The following VAMP7 variants were observed in gnomAD, a reference collection of about 807,000 sequenced individuals.
The protein encoded by VAMP7 is vesicle-associated membrane protein 7.
A neutral mutation model predicts 29.6 loss-of-function variants in VAMP7; 14 were observed. The observed-to-expected ratio is 0.47, with a 90% CI of 0.31 to 0.74. The LOEUF (loss-of-function observed/expected upper bound fraction) is 0.74. VAMP7 is among the 30% of genes least tolerant of loss of function. The probability of loss-of-function intolerance (pLI) is 0.05; values close to 1 mark genes in which losing one functional copy is unlikely to be tolerated. For missense variants in VAMP7, 223 were observed against 262.4 expected (o/e 0.85, Z 1.04); for synonymous variants, 95 against 88.1 (o/e 1.08, Z -0.44).
At chrX:155,902,296 C>G (rs2066074649) in intron 5 of VAMP7, among the ~76,000 whole-genome samples, 1 of 151,980 alleles carries the variant, frequency 6.6e-6, no homozygotes, top group African/African-American at 2.4e-5. Flanking sequence ...TCTAGATATA[C>G]AATCATGTCA....
intron 6 of VAMP7, among the ~76,000 whole-genome samples, chrX:155,931,497 C>A (rs2124384423): frequency 6.6e-6 from 1 of 152,340 alleles, no homozygotes; most frequent in South Asian, 2.1e-4. Flanking sequence ...CTGTTGGCTG[C>A]ATAAATGCCA....
At chrX:155,894,592 G>A (rs1437541172) in intron 2 of VAMP7, among the ~76,000 whole-genome samples, 5 of 151,720 alleles carry the variant, frequency 3.3e-5, no homozygotes, top group Admixed American at 2.6e-4. Flanking sequence ...TTCCTCTCTG[G>A]AAAAACTCTT....
At chrX:155,883,030 A>G (rs968139295) in intron 1 of VAMP7, among the ~76,000 whole-genome samples, 2 of 152,160 alleles carry the variant, frequency 1.3e-5, no homozygotes, top group East Asian at 1.9e-4. Flanking sequence ...TTCACTTATT[A>G]TACTTTATTG....
chrX:155,884,609 A>AG (rs1220537317), intron 1 of VAMP7, among the ~76,000 whole-genome samples: 1 of 152,238 alleles, frequency 6.6e-6, no homozygotes, highest in Admixed American at 6.5e-5. Flanking sequence ...GTAAACATTA[A>AG]GCATTGTTAT....
chrX:155,926,048 A>G (rs1405710585), intron 6 of VAMP7, among the ~76,000 whole-genome samples: 2 of 152,168 alleles, frequency 1.3e-5, no homozygotes, highest in African/African-American at 4.8e-5. Flanking sequence ...CAGATGTGCT[A>G]TCTTCCAGGT....
chrX:155,939,502 T>C (rs971236304), intron 6 of VAMP7, among the ~76,000 whole-genome samples, 199 bp from the exon 7 acceptor site: 6 of 152,204 alleles, frequency 3.9e-5, no homozygotes, highest in African/African-American at 7.2e-5. Context: ...AGCGTTTTCA[T>C]TGGGCTCATA....
chrX:155,887,534 G>A (rs1394551451), intron 1 of VAMP7, among the ~76,000 whole-genome samples: 2 of 152,100 alleles, frequency 1.3e-5, no homozygotes, highest in Non-Finnish European at 2.9e-5. Context: ...ACCTTAGGAA[G>A]CATGGTTTTC....
intron 4 of VAMP7, among the ~76,000 whole-genome samples, chrX:155,900,026 T>C (rs1250805890): frequency 6.6e-6 from 1 of 152,020 alleles, no homozygotes; most frequent in Non-Finnish European, 1.5e-5. Context: ...AAAAATAGTT[T>C]ATATGCTGTG....
intron 6 of VAMP7, among the ~76,000 whole-genome samples, chrX:155,924,825 C>G (rs2066445989): frequency 6.6e-6 from 1 of 152,178 alleles, no homozygotes; most frequent in African/African-American, 2.4e-5. Context: ...TATTTGATAG[C>G]AATTTACTGG....
At chrX:155,909,906 G>A (rs2066212454) in intron 5 of VAMP7, among the ~76,000 whole-genome samples, 2 of 152,038 alleles carry the variant, frequency 1.3e-5, no homozygotes, top group South Asian at 4.2e-4. Flanking sequence ...AGGATATATG[G>A]GGTGTCCATC....
intron 4 of VAMP7, 141 bp downstream of exon 4, chrX:155,898,390 T>G (rs1433731899): frequency 1.2e-4 from 128 of 1,050,326 alleles, no homozygotes; most frequent in Non-Finnish European, 1.6e-4. Flanking sequence ...CTTCCCTGAT[T>G]AAAAAAAAAA....
chrX:155,889,985 G>C (rs5983808), intron 2 of VAMP7, among the ~76,000 whole-genome samples: 91,272 of 151,770 alleles, frequency 0.6, 27,501 homozygotes, highest in East Asian at 0.67. Context: ...GCTTGGTGCT[G>C]GGGATATAAC....
chrX:155,912,521 C>A (rs762204847), intron 5 of VAMP7, among the ~76,000 whole-genome samples: 1 of 152,062 alleles, frequency 6.6e-6, no homozygotes, highest in South Asian at 2.1e-4. Context: ...GCCCCCCTAC[C>A]CCCAACAGGC....
intron 6 of VAMP7, among the ~76,000 whole-genome samples, chrX:155,933,442 G>A (rs1273012943): frequency 1.3e-5 from 2 of 152,156 alleles, no homozygotes; most frequent in African/African-American, 4.8e-5. Flanking sequence ...GAGGGTGTAT[G>A]TGTCAAGGAA....
intron 5 of VAMP7, among the ~76,000 whole-genome samples, chrX:155,906,212 A>T (rs2066144142): frequency 6.6e-6 from 1 of 152,152 alleles, no homozygotes; most frequent in African/African-American, 2.4e-5. Flanking sequence ...TTAGCAAAGA[A>T]TCCTGCTAAT....
At chrX:155,911,543 T>A (rs1256003761) in intron 5 of VAMP7, among the ~76,000 whole-genome samples, 1 of 152,126 alleles carries the variant, frequency 6.6e-6, no homozygotes, top group Admixed American at 6.5e-5. Flanking sequence ...TGCTTTGGGC[T>A]TATGGTCATT....
At chrX:155,935,155 T>C (rs1054031462) in intron 6 of VAMP7, among the ~76,000 whole-genome samples, 45 of 152,228 alleles carry the variant, frequency 3.0e-4, no homozygotes, top group Admixed American at 2.4e-3. Flanking sequence ...ATTTCAACTT[T>C]GGTGATCTGA....
At chrX:155,928,771 A>G (rs2066506780) in intron 6 of VAMP7, among the ~76,000 whole-genome samples, 2 of 152,184 alleles carry the variant, frequency 1.3e-5, no homozygotes, top group Non-Finnish European at 2.9e-5. Flanking sequence ...ATTGTTCTTT[A>G]TAGGTGAACT....
chrX:155,943,233 T>G lies in VAMP7; in HGVS notation c.*1282T>G, dbSNP rs1174643296. 1 of 151,382 alleles carries G rather than the reference T, an allele frequency of 6.6e-6. No homozygotes were observed. Among genetic ancestry groups the G allele is most frequent in the Non-Finnish European group, 1.5e-5 (1 of 67,830 alleles). The allele number at this position is 151,382 out of a possible 1,614,324, so 9.4% of individuals were successfully genotyped here. ...AAGTGCCATTAAATTGAAATTATAT[T>G]ACATTTTACACTTTCTCAATGAATG... On this transcript the variant is annotated 3_prime_UTR_variant, in exon 8 of 8. Transcript: ENST00000286448.
Sources: gnomAD v4.1 joint callset for allele counts (sites outside exome capture counted in the v4.1 genomes callset) on GRCh38, gnomAD v4.1.1 for gene constraint, MANE v1.5 for transcripts, NCBI Gene and HGNC (gene_info 2026-07-23, HGNC 2026-07-21) for gene names.